CYBRD1: variants seen among roughly 807,000 people sequenced by gnomAD.
The protein encoded by CYBRD1 is plasma membrane ascorbate-dependent reductase CYBRD1.
Under a neutral mutation model 21.9 loss-of-function variants are expected in CYBRD1, and 14 were observed. The observed-to-expected ratio is 0.64, with a 90% confidence interval of 0.42 to 1.00. The LOEUF (loss-of-function observed/expected upper bound fraction) is 1.00, where lower values mean the gene tolerates loss of function less well. Among genes scored for constraint, CYBRD1 ranks in the 50% least tolerant of loss-of-function variants. The pLI, the probability that CYBRD1 is intolerant of heterozygous loss-of-function variation, is 0.00. For missense variants in CYBRD1, 328 were observed against 352.5 expected (o/e 0.93, Z 0.56); for synonymous variants, 146 against 136.5 (o/e 1.07, Z -0.48).
rs1018073892 is a variant in CYBRD1 at position 171,523,057 on chromosome 2, A to C, written c.193+319A>C. 34 of 387,398 alleles carry C rather than the reference A, an allele frequency of 8.8e-5. 4 individuals carry two copies. The highest frequency in any genetic ancestry group is 6.6e-4 in the African/African-American group (30 of 45,626). The allele number at this position is 387,398 out of a possible 1,614,324, so 24.0% of individuals were successfully genotyped here. ...TCTTTGCGGCGACTGGCTAGGACGC[A>C]CTGGAGGGGCCTCCAAGACCCAGAA... On this transcript the variant is annotated intron_variant, in intron 1 of 3. Coordinates refer to ENST00000321348, the MANE Select transcript of CYBRD1 (RefSeq NM_024843.4).
chr2:171,528,506 G>A (rs557892498), intron 1 of CYBRD1, among the ~76,000 whole-genome samples: 74 of 138,792 alleles, frequency 5.3e-4, no homozygotes, highest in African/African-American at 1.9e-3. Flanking sequence ...TCCTTTGCTG[G>A]TTCTTCCTCA....
At chr2:171,526,423 C>G (rs1399042278) in intron 1 of CYBRD1, among the ~76,000 whole-genome samples, 3 of 151,330 alleles carry the variant, frequency 2.0e-5, no homozygotes, top group African/African-American at 7.3e-5. Context: ...TCCTTTCCCC[C>G]TCTCTCTCCC....
intron 1 of CYBRD1, among the ~76,000 whole-genome samples, chr2:171,535,881 C>T (rs768510385): frequency 2.0e-5 from 3 of 152,170 alleles, no homozygotes; most frequent in Non-Finnish European, 2.9e-5. Flanking sequence ...CTCAAGCAGT[C>T]TACCCACTTT....
At chr2:171,541,280 G>T (rs1697627009) in intron 1 of CYBRD1, among the ~76,000 whole-genome samples, 2 of 152,150 alleles carry the variant, frequency 1.3e-5, no homozygotes, top group African/African-American at 4.8e-5. Context: ...CAGCATTTCA[G>T]TGAAAGAGTG....
chr2:171,537,756 A>G (rs1486585850), intron 1 of CYBRD1, among the ~76,000 whole-genome samples: 3 of 152,182 alleles, frequency 2.0e-5, no homozygotes, highest in African/African-American at 7.2e-5. Context: ...AAAATAGTTT[A>G]AAAAATAAGT....
rs940420686 is a variant in CYBRD1, at chr2:171,525,737, T to A, written c.193+2999T>A. On this transcript the variant is annotated intron_variant, in intron 1 of 3. Transcript: ENST00000321348. The stretch of plus-strand genomic sequence containing the variant: ...CTCTAAGTATAAAATGCTTTAGAAA[T>A]GCAATATACAAATAGTAAACAATAT... Among the ~76,000 whole-genome samples, 10 of 152,082 alleles carry A rather than the reference T, an allele frequency of 6.6e-5. No homozygotes were observed. The East Asian group carries it at 1.9e-3, about 29-fold the overall frequency.
rs913735460 is a variant in CYBRD1 at position 171,525,925 on chromosome 2, CA to C, written c.193+3189del. 2.6e-5 allele frequency among the ~76,000 whole-genome samples: 3 copies of C among 113,372 alleles called. No homozygotes were observed. The Admixed American group carries it at 3.4e-4, about 13-fold the overall frequency. 74.4% of individuals were successfully genotyped at this position (113,372 alleles called of 152,430 possible). ...TCTTGCCATTGCACTTCAGCCTGGG[CA>C]ACAAGAGCGAAACTCCCGTCTAAAA... On this transcript the variant is annotated intron_variant, in intron 1 of 3. Coordinates refer to ENST00000321348, the MANE Select transcript of CYBRD1 (RefSeq NM_024843.4).
intron 1 of CYBRD1, among the ~76,000 whole-genome samples, chr2:171,534,682 G>C (rs1490505198): frequency 6.6e-6 from 1 of 152,188 alleles, no homozygotes; most frequent in East Asian, 1.9e-4. Flanking sequence ...CCTCACTTCT[G>C]TGAGAGCCCC....
chr2:171,550,303 GA>G (rs1235575438), intron 2 of CYBRD1, among the ~76,000 whole-genome samples: 2 of 151,922 alleles, frequency 1.3e-5, no homozygotes, highest in African/African-American at 4.8e-5. Flanking sequence ...ATGGGGTTTT[GA>G]CATGTTGGCC....
intron 2 of CYBRD1, among the ~76,000 whole-genome samples, chr2:171,542,817 G>A (rs1432335826): frequency 1.3e-5 from 2 of 152,032 alleles, no homozygotes; most frequent in East Asian, 3.9e-4. Context: ...GGAGGCAGAG[G>A]TTACAGTAAG....
intron 1 of CYBRD1, among the ~76,000 whole-genome samples, chr2:171,534,788 T>A (rs991058417): frequency 6.6e-6 from 1 of 152,208 alleles, no homozygotes; most frequent in Non-Finnish European, 1.5e-5. Flanking sequence ...AAAACTGGAA[T>A]GAGCTCTTTC....
At position 171,538,370 on chromosome 2, in the gene CYBRD1, C is replaced by T. The variant is rs547498279; in HGVS notation, c.194-3215C>T. On this transcript the variant is annotated intron_variant, in intron 1 of 3. Transcript: ENST00000321348. ...GATACAGTGGAGAACCAGCAAGACA[C>T]ATTAACGCCCTCAGAGAAGATGAAG... Among the ~76,000 whole-genome samples, 19 of 152,312 alleles carry T rather than the reference C, an allele frequency of 1.2e-4. 1 individual carries two copies. The East Asian group carries it at 1.7e-3, about 14-fold the overall frequency.
chr2:171,523,445 G>T, intron 1 of CYBRD1: 1 of 213,722 alleles, frequency 4.7e-6, no homozygotes. Flanking sequence ...CCCAGTCATT[G>T]GACGGTCTTG....
At position 171,553,501 on chromosome 2, in the gene CYBRD1, G is replaced by C; in HGVS notation, c.557+1G>C. ...TGACAGAGAAACTGATTTTTTCCCT[G>C]TAAGTTGCATAGTCTTCTTAATTGT... is the stretch of plus-strand genomic sequence containing the variant. On this transcript the variant is annotated splice_donor_variant, in intron 3 of 3. Transcript: ENST00000321348. LOFTEE classifies it high-confidence loss of function. 1 of 1,610,896 alleles carries C rather than the reference G, an allele frequency of 6.2e-7. No individual in the cohort carries two copies. The highest frequency in any genetic ancestry group is 1.1e-5 in the South Asian group (1 of 90,538).
chr2:171,549,665 A>G (rs1697770922), intron 2 of CYBRD1, among the ~76,000 whole-genome samples: 1 of 152,254 alleles, frequency 6.6e-6, no homozygotes, highest in African/African-American at 2.4e-5. Flanking sequence ...TATTATGCCT[A>G]TGCAAATGTA....
At chr2:171,551,743 T>C (rs1206288542) in intron 2 of CYBRD1, among the ~76,000 whole-genome samples, 1 of 152,226 alleles carries the variant, frequency 6.6e-6, no homozygotes, top group East Asian at 1.9e-4. Flanking sequence ...CTCCAACTTA[T>C]TGCTAGCTCC....
At chr2:171,554,394 C>T (rs2105348605) in intron 3 of CYBRD1, 130 bp from the exon 4 acceptor site, 1 of 787,596 alleles carries the variant, frequency 1.3e-6, no homozygotes, top group Non-Finnish European at 2.0e-6. Flanking sequence ...TTATATTTCT[C>T]CTTAATAGCA....
chr2:171,541,361 G>A (rs1474849586), intron 1 of CYBRD1, among the ~76,000 whole-genome samples: 1 of 152,052 alleles, frequency 6.6e-6, no homozygotes, highest in Admixed American at 6.5e-5. Flanking sequence ...AGGCACCAAG[G>A]TTCATTCACA....
chr2:171,522,802 C>T lies in CYBRD1; in HGVS notation c.193+64C>T. 6.2e-7 allele frequency: 1 copy of T among 1,603,036 alleles called. No individual in the cohort carries two copies. The highest frequency in any genetic ancestry group is 8.5e-7 in the Non-Finnish European group (1 of 1,174,958). On this transcript the variant is annotated intron_variant, in intron 1 of 3. Transcript: ENST00000321348. The surrounding 1 kb of genome is among the most constrained non-coding windows in gnomAD (Gnocchi z 4.3). ...GGGAGAACGGCGGGGGCAGAGGGTC[C>T]TCCGTGAAGCCCCTTCCAGCTGAGG...
Sources: gnomAD v4.1 joint callset for allele counts (sites outside exome capture counted in the v4.1 genomes callset) on GRCh38, gnomAD v4.1.1 for gene constraint, Gnocchi (gnomAD v3.1) non-coding constraint, MANE v1.5 for transcripts, NCBI Gene and HGNC (gene_info 2026-07-23, HGNC 2026-07-21) for gene names.